Variants in IQUB observed in about 807,000 individuals in gnomAD.
IQUB encodes IQ motif and ubiquitin-like domain-containing protein.
A neutral mutation model predicts 86.4 loss-of-function variants in IQUB; 86 were observed. That is an observed-to-expected ratio of 1.00 (90% CI 0.84 to 1.19). The LOEUF is 1.19. IQUB is among the 50% of genes most tolerant of loss of function. The pLI, the probability that IQUB is intolerant of heterozygous loss-of-function variation, is 0.00. For synonymous variants in IQUB, 289 were observed against 304.5 expected (o/e 0.95, Z 0.53); for missense variants, 946 against 916.9 (o/e 1.03, Z -0.41).
chr7:123,519,712 G>A (rs977058575), intron 1 of IQUB, among the ~76,000 whole-genome samples: 2 of 152,072 alleles, frequency 1.3e-5, no homozygotes, highest in African/African-American at 4.8e-5. Flanking sequence ...TACATAGAAG[G>A]AGTAAGTTCT....
chr7:123,513,393 T>C (rs76133893), intron 1 of IQUB, among the ~76,000 whole-genome samples: 2,627 of 152,190 alleles, frequency 0.017, 80 homozygotes, highest in African/African-American at 0.06. Flanking sequence ...ACAAAAAATA[T>C]GAGACTAAAA....
intron 7 of IQUB, among the ~76,000 whole-genome samples, chr7:123,485,353 AC>A (rs1795175049): frequency 6.6e-6 from 1 of 152,066 alleles, no homozygotes; most frequent in Non-Finnish European, 1.5e-5. Context: ...ATTAAGGCCA[AC>A]CTGTATGACC....
chr7:123,482,072 CT>C, intron 7 of IQUB, among the ~76,000 whole-genome samples: 1 of 151,676 alleles, frequency 6.6e-6, no homozygotes, highest in African/African-American at 2.4e-5. Context: ...AAACATAAAA[CT>C]GGGGGGGAGA....
intron 7 of IQUB, among the ~76,000 whole-genome samples, chr7:123,489,044 G>T (rs1795341687): frequency 6.6e-6 from 1 of 152,116 alleles, no homozygotes; most frequent in African/African-American, 2.4e-5. Flanking sequence ...ACTACAAAAT[G>T]TATGAAATGA....
At chr7:123,476,561 T>C (rs1402660201) in intron 8 of IQUB, among the ~76,000 whole-genome samples, 1 of 151,892 alleles carries the variant, frequency 6.6e-6, no homozygotes. Context: ...TTGTGTTTAG[T>C]GAGGCCACTT....
At chr7:123,465,051 T>A (rs778305106) in intron 9 of IQUB, 42 bp from the exon 10 acceptor site, 2 of 1,266,254 alleles carry the variant, frequency 1.6e-6, no homozygotes, top group Non-Finnish European at 1.1e-6. Context: ...ATTTTACAAA[T>A]CACTAAGTTC....
intron 8 of IQUB, among the ~76,000 whole-genome samples, chr7:123,473,956 T>C (rs1794649586): frequency 6.6e-6 from 1 of 152,172 alleles, no homozygotes; most frequent in African/African-American, 2.4e-5. Flanking sequence ...TTTAATGCTT[T>C]AAAAATCTTT....
At chr7:123,508,107 T>C (rs1216616071) in intron 3 of IQUB, among the ~76,000 whole-genome samples, 1 of 152,130 alleles carries the variant, frequency 6.6e-6, no homozygotes, top group African/African-American at 2.4e-5. Flanking sequence ...GAAGATTTGA[T>C]GACAGAGGAG....
At chr7:123,508,071 A>T (rs1796263445) in intron 3 of IQUB, among the ~76,000 whole-genome samples, 1 of 152,284 alleles carries the variant, frequency 6.6e-6, no homozygotes, top group African/African-American at 2.4e-5. Flanking sequence ...TGTAATCACA[A>T]GTCCCCTTAT....
At chr7:123,482,319 T>C (rs9649003) in intron 7 of IQUB, among the ~76,000 whole-genome samples, 35,274 of 151,952 alleles carry the variant, frequency 0.23, 4,827 homozygotes, top group East Asian at 0.33. Flanking sequence ...TGAACAATGA[T>C]TTTTTAAAAA....
rs1181038514 is a variant in IQUB, at chr7:123,461,617, G to A, written c.1759-12C>T. ...GGGTCTTGAGGGACCTAAATAAATA[G>A]TAAAAAAAGAAAAAAAAGGTCTAAA... On this transcript the variant is annotated splice_polypyrimidine_tract_variant and intron_variant, in intron 10 of 12. Coordinates refer to ENST00000324698, the MANE Select transcript of IQUB (RefSeq NM_178827.5). The A allele has an allele frequency of 1.9e-6, 3 of 1,539,304 alleles. No homozygotes were observed. Among genetic ancestry groups the A allele is most frequent in the Non-Finnish European group, 2.6e-6 (3 of 1,144,840 alleles).
chr7:123,502,170 A>C (rs1315114976), intron 6 of IQUB: 1 of 162,178 alleles, frequency 6.2e-6, no homozygotes, highest in African/African-American at 2.4e-5. Flanking sequence ...TTGAAAGTAA[A>C]AGAATGAAAA....
intron 11 of IQUB, 80 bp downstream of exon 11, chr7:123,461,277 C>T: frequency 7.3e-7 from 1 of 1,368,494 alleles, no homozygotes; most frequent in Non-Finnish European, 1.0e-6. Context: ...ATCACACACA[C>T]ACACACAAAC....
chr7:123,521,728 C>A (rs755586084), intron 1 of IQUB, among the ~76,000 whole-genome samples: 1 of 151,250 alleles, frequency 6.6e-6, no homozygotes, highest in Non-Finnish European at 1.5e-5. Flanking sequence ...TATAGTAGTG[C>A]CTAAGGTTCA....
chr7:123,510,407 A>G (rs1343530089), intron 2 of IQUB, among the ~76,000 whole-genome samples: 1 of 152,144 alleles, frequency 6.6e-6, no homozygotes, highest in Non-Finnish European at 1.5e-5. Context: ...TTAGAAATGC[A>G]CTATAACTAC....
At chr7:123,472,561 T>C (rs10275527) in intron 8 of IQUB, among the ~76,000 whole-genome samples, 4,741 of 152,214 alleles carry the variant, frequency 0.031, 234 homozygotes, top group African/African-American at 0.11. Context: ...AAAAAGAAAG[T>C]ATCTAAGATG....
chr7:123,508,598 C>T (rs1462081714), intron 3 of IQUB, among the ~76,000 whole-genome samples: 2 of 152,152 alleles, frequency 1.3e-5, no homozygotes, highest in Admixed American at 6.5e-5. Flanking sequence ...TACCTAAAGA[C>T]GAAAGGTCAT....
chr7:123,485,272 T>C (rs766326099), intron 7 of IQUB, among the ~76,000 whole-genome samples: 37 of 152,108 alleles, frequency 2.4e-4, no homozygotes, highest in Non-Finnish European at 4.3e-4. Context: ...TCTGGTATCT[T>C]CATATGATTT....
At position 123,503,161 on chromosome 7, in the gene IQUB, G is replaced by C. The variant is rs373267006; in HGVS notation, c.694+41C>G. The C allele has an allele frequency of 3.7e-6, 6 of 1,606,660 alleles. No individual in the cohort carries two copies. The Admixed American group carries it at 5.1e-5, about 14-fold the overall frequency. On this transcript the variant is annotated intron_variant, in intron 4 of 12. Transcript: ENST00000324698. ...TTCAATGAAAGCTCAACCAAGAAGG[G>C]ACTCAAAAATACTTTATCTAAAAGA...
Sources: allele counts gnomAD v4.1 joint callset (sites outside exome capture counted in the v4.1 genomes callset), GRCh38; gene constraint gnomAD v4.1.1; transcripts MANE v1.5; gene names NCBI Gene and HGNC (gene_info 2026-07-23, HGNC 2026-07-21).